Variants in HIVEP3 observed in about 807,000 individuals in gnomAD.
The protein encoded by HIVEP3 is transcription factor HIVEP3.
A neutral mutation model predicts 152.8 loss-of-function variants in HIVEP3; 49 were observed. That is an observed-to-expected ratio of 0.32 (90% CI 0.26 to 0.41). The LOEUF is 0.41. Among genes scored for constraint, HIVEP3 ranks in the 10% least tolerant of loss-of-function variants. HIVEP3 has a pLI of 1.00. For synonymous variants in HIVEP3, 1,269 were observed against 1,289.0 expected (o/e 0.98, Z 0.33); for missense variants, 2,790 against 3,103.3 (o/e 0.90, Z 2.40).
chr1:41,512,169 GT>G (rs967883299), intron 8 of HIVEP3, among the ~76,000 whole-genome samples: 3 of 152,074 alleles, frequency 2.0e-5, no homozygotes, highest in African/African-American at 7.3e-5. Context: ...TTGGATATTT[GT>G]CCCCGCCCAA....
chr1:41,999,620 AC>A, intron 1 of HIVEP3, among the ~76,000 whole-genome samples: 1 of 152,320 alleles, frequency 6.6e-6, no homozygotes, highest in Non-Finnish European at 1.5e-5. Flanking sequence ...TGCTATGGGA[AC>A]CCAGAAAGGA....
chr1:41,784,418 G>A (rs769504970), intron 1 of HIVEP3, among the ~76,000 whole-genome samples: 3 of 152,004 alleles, frequency 2.0e-5, no homozygotes, highest in South Asian at 2.1e-4. Flanking sequence ...TTTTAAATGT[G>A]GCTACCAGAA....
At chr1:41,760,085 A>G (rs1025109478) in intron 1 of HIVEP3, among the ~76,000 whole-genome samples, 1 of 152,110 alleles carries the variant, frequency 6.6e-6, no homozygotes, top group African/African-American at 2.4e-5. Flanking sequence ...AGGCAGTAGG[A>G]TTGCTTGAGC....
intron 1 of HIVEP3, among the ~76,000 whole-genome samples, chr1:41,984,635 G>A (rs1010214723): frequency 6.6e-6 from 1 of 152,198 alleles, no homozygotes; most frequent in African/African-American, 2.4e-5. Flanking sequence ...CCCCCATGGA[G>A]GACACATGGC....
rs770772077 is a variant in HIVEP3 at position 41,513,197 on chromosome 1, T to G, written c.6024A>C (p.Pro2008=). The G allele has an allele frequency of 1.9e-6, 3 of 1,613,676 alleles. No individual in the cohort carries two copies. Among genetic ancestry groups the G allele is most frequent in the Admixed American group, 1.7e-5 (1 of 60,020 alleles). ...SPAREPQASA[P]SPPGLHVDPG... ...GGTCCACGTGCAGGCCAGGTGGGCT[T>G]GGGGCTGAGGCCTGTGGTTCTCGGG... The change falls in exon 8 of 9, where the codon CCA becomes CCC. Residue 2008 remains proline (P), a synonymous_variant. Coordinates refer to ENST00000372583, the MANE Select transcript of HIVEP3 (RefSeq NM_024503.5).
intron 5 of HIVEP3, among the ~76,000 whole-genome samples, chr1:41,544,870 C>T (rs1643668580): frequency 4.1e-5 from 5 of 122,754 alleles, no homozygotes; most frequent in African/African-American, 1.1e-4. Context: ...ACCACCACCA[C>T]CACCACTACC....
chr1:41,963,829 T>C (rs929650640), intron 1 of HIVEP3, among the ~76,000 whole-genome samples: 9 of 152,196 alleles, frequency 5.9e-5, no homozygotes, highest in Non-Finnish European at 4.4e-5. Context: ...CAAACTTTTT[T>C]TCTGCCGAAC....
intron 3 of HIVEP3, among the ~76,000 whole-genome samples, chr1:41,587,226 A>G (rs758801438): frequency 6.6e-6 from 1 of 152,226 alleles, no homozygotes; most frequent in Non-Finnish European, 1.5e-5. Context: ...GACGGATTCA[A>G]TGACATCCCT....
chr1:41,734,242 T>C (rs1376017156), intron 1 of HIVEP3, among the ~76,000 whole-genome samples: 1 of 152,200 alleles, frequency 6.6e-6, no homozygotes, highest in East Asian at 1.9e-4. Flanking sequence ...CTGAATTGAG[T>C]TGCTGCCACC....
chr1:41,667,960 G>A (rs1432335172), intron 2 of HIVEP3, among the ~76,000 whole-genome samples: 1 of 152,176 alleles, frequency 6.6e-6, no homozygotes, highest in Non-Finnish European at 1.5e-5. Context: ...AGGGAAGGGG[G>A]ACATGAGAAT....
chr1:42,001,475 T>G (rs1037590430), intron 1 of HIVEP3, among the ~76,000 whole-genome samples: 2 of 152,242 alleles, frequency 1.3e-5, no homozygotes, highest in African/African-American at 2.4e-5. Flanking sequence ...CAGTGTCTGC[T>G]ACATTGTCAT....
At chr1:42,017,593 T>C (rs548569296) in intron 1 of HIVEP3, among the ~76,000 whole-genome samples, 2 of 152,280 alleles carry the variant, frequency 1.3e-5, no homozygotes, top group South Asian at 4.1e-4. Flanking sequence ...TGTTTTTGCA[T>C]GTGATTATAG....
At chr1:41,713,069 T>C (rs1646538895) in intron 1 of HIVEP3, among the ~76,000 whole-genome samples, 1 of 152,216 alleles carries the variant, frequency 6.6e-6, no homozygotes, top group East Asian at 1.9e-4. Flanking sequence ...AACTGGATGC[T>C]GGGCCATTCT....
intron 1 of HIVEP3, among the ~76,000 whole-genome samples, chr1:41,824,683 A>G (rs1443372246): frequency 1.3e-5 from 2 of 150,072 alleles, no homozygotes; most frequent in African/African-American, 2.5e-5. Flanking sequence ...ATTAACTCAC[A>G]TGAACAGGAA....
intron 2 of HIVEP3, among the ~76,000 whole-genome samples, chr1:41,654,073 T>C (rs891849887): frequency 5.3e-5 from 8 of 152,004 alleles, no homozygotes; most frequent in African/African-American, 1.4e-4. Context: ...GTCACTGCAA[T>C]TCATTATATA....
intron 1 of HIVEP3, among the ~76,000 whole-genome samples, chr1:41,925,880 C>A (rs762159493): frequency 1.3e-5 from 2 of 152,148 alleles, no homozygotes; most frequent in Non-Finnish European, 2.9e-5. Context: ...CATTTCCCAG[C>A]CTGTCTTATA....
intron 1 of HIVEP3, among the ~76,000 whole-genome samples, chr1:41,729,182 G>A (rs185127020): frequency 1.3e-5 from 2 of 152,352 alleles, no homozygotes; most frequent in Admixed American, 6.5e-5. Flanking sequence ...AATAAAACGA[G>A]ATCCTGGGGG....
At position 41,575,567 on chromosome 1, in the gene HIVEP3, C is replaced by T. The variant is rs781357885; in HGVS notation, c.5184G>A (p.Ala1728=). ...ACCCTCCTTCGAAGATTTTGATCCTCGCCGGCTCCCCTCTCTGGGAGGCAG... is the reference window on the plus strand; with the variant it reads ...ACCCTCCTTCGAAGATTTTGATCCTTGCCGGCTCCCCTCTCTGGGAGGCAG... ...DAPASQRGEP[A]RIKIFEGGYK... is the part of the protein sequence containing the mutation. Residue 1728 remains alanine (A), a synonymous_variant, in exon 5 of 9, where the codon GCG becomes GCA. Transcript: ENST00000372583. The T allele has an allele frequency of 4.0e-5, 65 of 1,614,054 alleles. No individual in the cohort carries two copies. Among genetic ancestry groups the T allele is most frequent in the East Asian group, 2.5e-4 (11 of 44,896 alleles).
intron 1 of HIVEP3, among the ~76,000 whole-genome samples, chr1:41,880,654 C>A (rs536177298): frequency 6.6e-6 from 1 of 152,224 alleles, no homozygotes; most frequent in South Asian, 2.1e-4. Flanking sequence ...ACTGAACAGA[C>A]CAAGCCCTGG....
Sources: gnomAD v4.1 joint callset for allele counts (sites outside exome capture counted in the v4.1 genomes callset) on GRCh38, gnomAD v4.1.1 for gene constraint, MANE v1.5 for transcripts, NCBI Gene and HGNC (gene_info 2026-07-23, HGNC 2026-07-21) for gene names.